ZSCAN32: variants seen among roughly 807,000 people sequenced by gnomAD.
ZSCAN32 encodes zinc finger and SCAN domain-containing protein 32.
A neutral mutation model predicts 47.4 loss-of-function variants in ZSCAN32; 52 were observed. That is an observed-to-expected ratio of 1.10 (90% CI 0.88 to 1.38). The LOEUF is 1.38. ZSCAN32 is among the 40% of genes most tolerant of loss of function. The pLI is 0.00. For missense variants in ZSCAN32, 959 were observed against 846.0 expected (o/e 1.13, Z -1.66); for synonymous variants, 346 against 305.7 (o/e 1.13, Z -1.38).
At chr16:3,393,241 TTATATATATATATATTTTTTG>T (rs2033014610) in intron 3 of ZSCAN32, among the ~76,000 whole-genome samples, 2 of 10,622 alleles carry the variant, frequency 1.9e-4, no homozygotes, top group East Asian at 6.8e-3. Context: ...TTTATATATT[TTATATATATATATATTTTTTG>T]TTTTCTTTGA....
At position 3,384,779 on chromosome 16, in the gene ZSCAN32, T is replaced by C; in HGVS notation, c.914A>G (p.Gln305Arg). Residue 305 changes from glutamine (Q) to arginine (R), a missense_variant, in exon 6 of 7, where the codon CAG becomes CGG. Coordinates refer to ENST00000396852, the MANE Select transcript of ZSCAN32 (RefSeq NM_001284527.2). The part of the protein sequence containing the change: ...WEQGFLRTPE[Q>R]CRTKFKSLQL... ...TAGGCTTTTGAACTTGGTGCGACAC[T>C]GTTCTGGGGTCCGCAGAAAACCCTG... The C allele has an allele frequency of 1.2e-6, 2 of 1,614,212 alleles. No individual in the cohort carries two copies. Among genetic ancestry groups the C allele is most frequent in the Non-Finnish European group, 1.7e-6 (2 of 1,180,042 alleles).
At position 3,394,665 on chromosome 16, in the gene ZSCAN32, C is replaced by G. The variant is rs552087711; in HGVS notation, c.367-851G>C. Among the ~76,000 whole-genome samples the G allele has an allele frequency of 1.5e-4, 23 of 152,164 alleles. 1 individual carries two copies. The highest frequency in any genetic ancestry group is 3.1e-4 in the Non-Finnish European group (21 of 68,028). On this transcript the variant is annotated intron_variant, in intron 2 of 6. Coordinates refer to ENST00000396852, the MANE Select transcript of ZSCAN32 (RefSeq NM_001284527.2). Reference sequence around the variant, plus strand: ...CTCTTCAGTGGCTTCCCACTGCACACAGAATAAAATCCAGACTCCTCTTTG... The same window carrying G: ...CTCTTCAGTGGCTTCCCACTGCACAGAGAATAAAATCCAGACTCCTCTTTG...
chr16:3,392,296 G>A (rs959751638), intron 3 of ZSCAN32, among the ~76,000 whole-genome samples: 1 of 151,928 alleles, frequency 6.6e-6, no homozygotes, highest in Admixed American at 6.6e-5. Flanking sequence ...GCATAACACT[G>A]TGAATGTACT....
chr16:3,390,383 G>A, intron 4 of ZSCAN32, 40 bp downstream of exon 4: 1 of 1,507,912 alleles, frequency 6.6e-7, no homozygotes, highest in Non-Finnish European at 9.0e-7. Flanking sequence ...TGGGGTGAGA[G>A]TGGGTACTCA....
intron 1 of ZSCAN32, among the ~76,000 whole-genome samples, chr16:3,398,037 T>C (rs1245684978): frequency 2.0e-5 from 3 of 152,224 alleles, no homozygotes; most frequent in Non-Finnish European, 4.4e-5. Context: ...GGGAGAAATT[T>C]AGTTTATAGT....
chr16:3,395,714 G>A (rs1162862785), intron 2 of ZSCAN32, among the ~76,000 whole-genome samples: 1 of 152,188 alleles, frequency 6.6e-6, no homozygotes, highest in Non-Finnish European at 1.5e-5. Context: ...TATTAAGAGT[G>A]TGGGCCGGGC....
intron 2 of ZSCAN32, among the ~76,000 whole-genome samples, chr16:3,395,512 T>C (rs1403813069): frequency 6.6e-6 from 1 of 152,222 alleles, no homozygotes; most frequent in Admixed American, 6.5e-5. Flanking sequence ...AGGACATGTT[T>C]GCTTCCCCTT....
chr16:3,393,571 G>A, intron 3 of ZSCAN32, 78 bp downstream of exon 3: 2 of 1,357,174 alleles, frequency 1.5e-6, no homozygotes, highest in African/African-American at 1.5e-5. Flanking sequence ...ACCCTTGGGT[G>A]GACTCAGTTC....
chr16:3,384,007 T>C (rs989014419), intron 6 of ZSCAN32: 6 of 454,768 alleles, frequency 1.3e-5, no homozygotes, highest in Admixed American at 1.2e-4. Flanking sequence ...AGTCTGTTTA[T>C]AGGTGTACCC....
chr16:3,399,348 AG>A (rs1390625122), intron 1 of ZSCAN32, among the ~76,000 whole-genome samples: 1 of 152,194 alleles, frequency 6.6e-6, no homozygotes, highest in East Asian at 1.9e-4. Flanking sequence ...TTTACATGAG[AG>A]GTAGGGAAAG....
chr16:3,396,230 T>C (rs1242094699), intron 2 of ZSCAN32, among the ~76,000 whole-genome samples: 1 of 152,172 alleles, frequency 6.6e-6, no homozygotes, highest in African/African-American at 2.4e-5. Context: ...ATCCCACAGA[T>C]TTCAGACTAA....
At chr16:3,392,803 G>A (rs2032877632) in intron 3 of ZSCAN32, among the ~76,000 whole-genome samples, 1 of 151,936 alleles carries the variant, frequency 6.6e-6, no homozygotes. Context: ...TCCAGCCTGG[G>A]CGACAGAGCA....
chr16:3,390,053 G>T lies in ZSCAN32; in HGVS notation c.708C>A (p.Leu236=). 2 of 1,611,144 alleles carry T rather than the reference G, an allele frequency of 1.2e-6. No homozygotes were observed. The highest frequency in any genetic ancestry group is 1.7e-6 in the Non-Finnish European group (2 of 1,178,190). ...WMCPGPAQRA[L]YRGATQRKDS... is the part of the protein sequence containing the mutation. ...CCTTCCTCTGGGTGGCACCCCTGTA[G>T]AGGGCCCTTTGTGCAGGGCCTGGGC... Residue 236 remains leucine (L), a synonymous_variant, in exon 5 of 7, where the codon CTC becomes CTA. Coordinates refer to ENST00000396852, the MANE Select transcript of ZSCAN32 (RefSeq NM_001284527.2).
Position 3,390,044 on chromosome 16 carries a change from A to T in ZSCAN32, c.717T>A (p.Gly239=). The T allele has an allele frequency of 6.2e-7, 1 of 1,613,454 alleles. No homozygotes were observed. Among genetic ancestry groups the T allele is most frequent in the Non-Finnish European group, 8.5e-7 (1 of 1,179,798 alleles). Residue 239 remains glycine, a synonymous_variant, in exon 5 of 7, where the codon GGT becomes GGA. Transcript: ENST00000396852. ...CGTGACTGTCCTTCCTCTGGGTGGC[A>T]CCCCTGTAGAGGGCCCTTTGTGCAG... The part of the protein sequence containing the change: ...PGPAQRALYR[G]ATQRKDSHVS...
chr16:3,398,471 C>T (rs1255026009), intron 1 of ZSCAN32, among the ~76,000 whole-genome samples: 4 of 152,214 alleles, frequency 2.6e-5, no homozygotes, highest in Non-Finnish European at 5.9e-5. Flanking sequence ...AAACTTTAGT[C>T]TCCCATTTAG....
In ZSCAN32 at chr16:3,383,498, C is replaced by T; in HGVS notation, c.1448G>A (p.Ser483Asn). Reference sequence around the variant, plus strand: ...GTCCCTGGCACAAAAACTCTGGTGACTCATCTTCTCCTGGGATGGGGTTTT... The same window carrying T: ...GTCCCTGGCACAAAAACTCTGGTGATTCATCTTCTCCTGGGATGGGGTTTT... The part of the protein sequence containing the change: ...EEKTPSQEKM[S>N]HQSFCARDKA... The change falls in exon 7 of 7, where the codon AGT (serine) becomes AAT (asparagine). Residue 483 changes from serine to asparagine, a missense_variant. By Grantham distance (46) the Ser-to-Asn change is conservative. Coordinates refer to ENST00000396852, the MANE Select transcript of ZSCAN32 (RefSeq NM_001284527.2). The T allele has an allele frequency of 6.2e-7, 1 of 1,614,108 alleles. No homozygotes were observed. The highest frequency in any genetic ancestry group is 8.5e-7 in the Non-Finnish European group (1 of 1,180,002).
chr16:3,394,965 C>G (rs1224492583), intron 2 of ZSCAN32, among the ~76,000 whole-genome samples: 1 of 152,220 alleles, frequency 6.6e-6, no homozygotes, highest in Non-Finnish European at 1.5e-5. Flanking sequence ...TATCACATCA[C>G]TCTGCTCATT....
chr16:3,383,415 G>A lies in ZSCAN32; in HGVS notation c.1531C>T (p.His511Tyr). ...TTTTCCAGTTTGAGCGCTGGCTTGT[G>A]GGGAGAGTGCACACTCTGAGAGCAG... is the stretch of plus-strand genomic sequence containing the variant. ...KNCSQSVHSP[H>Y]KPALKLEKVS... is the part of the protein sequence containing the mutation. Residue 511 changes from histidine (H) to tyrosine (Y), a missense_variant, in exon 7 of 7, where the codon CAC becomes TAC. Coordinates refer to ENST00000396852, the MANE Select transcript of ZSCAN32 (RefSeq NM_001284527.2). 1 of 1,614,148 alleles carries A rather than the reference G, an allele frequency of 6.2e-7. No individual in the cohort carries two copies. Among genetic ancestry groups the A allele is most frequent in the South Asian group, 1.1e-5 (1 of 91,084 alleles).
In ZSCAN32 at chr16:3,384,858, T is replaced by A. The variant is rs752579890; in HGVS notation, c.835A>T (p.Thr279Ser). 1 of 1,614,108 alleles carries A rather than the reference T, an allele frequency of 6.2e-7. No individual in the cohort carries two copies. Residue 279 changes from threonine (T) to serine (S), a missense_variant, in exon 6 of 7, where the codon ACC becomes TCC. By Grantham distance (58) the Thr-to-Ser change is moderately conservative (BLOSUM62 1). Transcript: ENST00000396852. ...TAGATCTGGCTGTTCTGCTGACAGG[T>A]CTGGAGTTTTCCATAAAATTGAGAA... ...SSSQFYGKLQ[T>S]CQQNSQIYRA...
Sources: allele counts gnomAD v4.1 joint callset (sites outside exome capture counted in the v4.1 genomes callset), GRCh38; gene constraint gnomAD v4.1.1; transcripts MANE v1.5; gene names NCBI Gene and HGNC (gene_info 2026-07-23, HGNC 2026-07-21).